BMAL2: variants seen among roughly 807,000 people sequenced by gnomAD.
The protein encoded by BMAL2 is basic helix-loop-helix ARNT-like protein 2.
chr12:27,377,000 C>CAAAAAA, the BMAL2 span, among the ~76,000 whole-genome samples: 2 of 91,738 alleles, frequency 2.2e-5, no homozygotes, highest in Non-Finnish European at 4.0e-5. Context: ...AACTCCGTCT[C>CAAAAAA]AAAAAAAAAA....
chr12:27,412,397 G>A, the BMAL2 span, among the ~76,000 whole-genome samples: 4 of 152,132 alleles, frequency 2.6e-5, no homozygotes, highest in East Asian at 7.7e-4. Flanking sequence ...AAGTAGTAGA[G>A]GAACTTAAAT....
the BMAL2 span, among the ~76,000 whole-genome samples, chr12:27,418,692 A>C: frequency 1.3e-5 from 2 of 150,414 alleles, no homozygotes; most frequent in South Asian, 4.2e-4. Flanking sequence ...AATGGATGCT[A>C]CCATTGGCTG....
the BMAL2 span, among the ~76,000 whole-genome samples, chr12:27,347,413 C>G: frequency 1.3e-5 from 2 of 152,176 alleles, no homozygotes; most frequent in Non-Finnish European, 2.9e-5. Context: ...CCAGGATACA[C>G]AGGAGGATCT....
At chr12:27,404,499 T>G in the BMAL2 span, among the ~76,000 whole-genome samples, 2 of 152,190 alleles carry the variant, frequency 1.3e-5, no homozygotes, top group Admixed American at 1.3e-4. Context: ...AAGGGCATTA[T>G]GATAACTGTA....
the BMAL2 span, among the ~76,000 whole-genome samples, chr12:27,342,828 A>G: frequency 6.6e-6 from 1 of 152,392 alleles, no homozygotes; most frequent in Non-Finnish European, 1.5e-5. Flanking sequence ...CCAATTCTCC[A>G]TGCATCATGG....
chr12:27,414,317 A>T, the BMAL2 span, among the ~76,000 whole-genome samples: 1 of 152,208 alleles, frequency 6.6e-6, no homozygotes, highest in South Asian at 2.1e-4. Context: ...TTGACTAAAG[A>T]CGTGAACACT....
At chr12:27,373,812 T>A in the BMAL2 span, among the ~76,000 whole-genome samples, 1 of 152,244 alleles carries the variant, frequency 6.6e-6, no homozygotes, top group East Asian at 1.9e-4. Flanking sequence ...AAAACTGCAT[T>A]GTATTTTGAA....
At chr12:27,371,491 C>T in the BMAL2 span, among the ~76,000 whole-genome samples, 6 of 152,098 alleles carry the variant, frequency 3.9e-5, no homozygotes, top group Non-Finnish European at 8.8e-5. Context: ...GTGGTTGTCA[C>T]CATAGAGCAG....
chr12:27,360,803 CA>C, the BMAL2 span, among the ~76,000 whole-genome samples: 675 of 46,744 alleles, frequency 0.014, 3 homozygotes, highest in Middle Eastern at 0.054. Flanking sequence ...GTGATTTGTC[CA>C]AAAAAAAAAA....
the BMAL2 span, chr12:27,401,772 C>T: frequency 1.2e-6 from 1 of 808,910 alleles, no homozygotes; most frequent in Non-Finnish European, 1.8e-6. Context: ...CTGTGTGATC[C>T]TCTGGCCTTT....
the BMAL2 span, among the ~76,000 whole-genome samples, chr12:27,369,656 A>G: frequency 6.6e-6 from 1 of 152,174 alleles, no homozygotes; most frequent in African/African-American, 2.4e-5. Flanking sequence ...CTTCAGAATC[A>G]TAGGCACCAT....
chr12:27,394,857 C>T, the BMAL2 span, among the ~76,000 whole-genome samples: 1 of 152,208 alleles, frequency 6.6e-6, no homozygotes, highest in African/African-American at 2.4e-5. Flanking sequence ...AGCTTTTTGT[C>T]TCTGCATGAA....
the BMAL2 span, among the ~76,000 whole-genome samples, chr12:27,350,537 C>T: frequency 6.6e-6 from 1 of 152,180 alleles, no homozygotes; most frequent in East Asian, 1.9e-4. Context: ...ACACAAAGTT[C>T]ATAGCATCAG....
chr12:27,367,150 T>C, the BMAL2 span, among the ~76,000 whole-genome samples: 267 of 152,352 alleles, frequency 1.8e-3, 4 homozygotes, highest in African/African-American at 6.1e-3. Flanking sequence ...ATCATTACTC[T>C]TGTGCTTTGA....
chr12:27,400,680 A>G, the BMAL2 span: 4 of 1,614,036 alleles, frequency 2.5e-6, no homozygotes, highest in South Asian at 3.3e-5. Context: ...ACAGCCATAT[A>G]TTGTTCCACA....
the BMAL2 span, among the ~76,000 whole-genome samples, chr12:27,373,183 G>A: frequency 6.6e-6 from 1 of 152,162 alleles, no homozygotes; most frequent in Non-Finnish European, 1.5e-5. Flanking sequence ...TGGACAGGAA[G>A]GGCAGGGAAA....
At chr12:27,372,886 G>T in the BMAL2 span, among the ~76,000 whole-genome samples, 2 of 152,088 alleles carry the variant, frequency 1.3e-5, no homozygotes, top group Admixed American at 6.5e-5. Context: ...TATTAGCCAG[G>T]ATGGTCTCGA....
At chr12:27,406,398 G>A in the BMAL2 span, among the ~76,000 whole-genome samples, 1 of 152,226 alleles carries the variant, frequency 6.6e-6, no homozygotes, top group East Asian at 1.9e-4. Context: ...TGATCTCTCA[G>A]CAGAAACTCT....
the BMAL2 span, among the ~76,000 whole-genome samples, chr12:27,388,275 C>T: frequency 1.3e-5 from 2 of 152,268 alleles, no homozygotes; most frequent in East Asian, 1.9e-4. Context: ...GGATTTAGTC[C>T]TCAGCTTTTC....
Sources: allele counts gnomAD v4.1 joint callset (sites outside exome capture counted in the v4.1 genomes callset), GRCh38; gene constraint gnomAD v4.1.1; transcripts MANE v1.5; gene names NCBI Gene and HGNC (gene_info 2026-07-23, HGNC 2026-07-21).